The following ATP2B4 variants were observed in gnomAD, a reference collection of about 807,000 sequenced individuals.
The protein encoded by ATP2B4 is plasma membrane calcium-transporting ATPase 4.
In ATP2B4, 39 loss-of-function variants were observed where a neutral mutation model predicts 110.3. The ratio of observed to expected loss-of-function variants is 0.35; its 90% confidence interval spans 0.27 to 0.46. The LOEUF is 0.46. Ranked by LOEUF, ATP2B4 falls within the 20% of genes least tolerant of loss-of-function variation. The pLI is 1.00. For missense variants in ATP2B4, 1,135 were observed against 1,530.9 expected (o/e 0.74, Z 4.32); for synonymous variants, 538 against 571.7 (o/e 0.94, Z 0.84).
In ATP2B4 at chr1:203,648,012, A is replaced by C. The variant is rs145652479; in HGVS notation, c.-465+20793A>C. On this transcript the variant is annotated intron_variant, in intron 1 of 20. Transcript: ENST00000357681. ...CCAACTTGTGTTTGAAGTGGGAGTCAAAATGTAAAGTGGCTTTTACACAGG... is the reference window on the plus strand; with the variant it reads ...CCAACTTGTGTTTGAAGTGGGAGTCCAAATGTAAAGTGGCTTTTACACAGG... Among the ~76,000 whole-genome samples, 15 of 152,314 alleles carry C rather than the reference A, an allele frequency of 9.8e-5. No individual in the cohort carries two copies. In the East Asian group the frequency reaches 1.9e-3, roughly 20 times the overall value.
chr1:203,713,825 C>T (rs1456979187), intron 14 of ATP2B4, among the ~76,000 whole-genome samples: 1 of 152,122 alleles, frequency 6.6e-6, no homozygotes, highest in East Asian at 1.9e-4. Flanking sequence ...GTGAACTAGG[C>T]AGGGCAGGTA....
intron 1 of ATP2B4, among the ~76,000 whole-genome samples, chr1:203,654,891 A>G (rs1664110064): frequency 1.7e-5 from 1 of 58,996 alleles, no homozygotes; most frequent in Non-Finnish European, 3.3e-5. Flanking sequence ...CGTCTGGAAA[A>G]AAAAAAAAAA....
intron 1 of ATP2B4, among the ~76,000 whole-genome samples, chr1:203,678,315 G>C (rs148662374): frequency 1.5e-4 from 23 of 151,826 alleles, no homozygotes; most frequent in Admixed American, 3.3e-4. Context: ...GACAAAATTG[G>C]AGGAAAGTGT....
In ATP2B4 at chr1:203,710,958, C is replaced by A; in HGVS notation, c.1881C>A (p.Ile627=). 1 of 1,614,052 alleles carries A rather than the reference C, an allele frequency of 6.2e-7. No homozygotes were observed. ...KDRDDMVRTV[I]EPMACDGLRT... is the part of the protein sequence containing the mutation. ...GAGATGATATGGTACGCACTGTCAT[C>A]GAGCCCATGGCCTGTGATGGACTCC... is the stretch of plus-strand genomic sequence containing the variant. Residue 627 remains isoleucine (I), a synonymous_variant, in exon 12 of 21, where the codon ATC becomes ATA. Coordinates refer to ENST00000357681, the MANE Select transcript of ATP2B4 (RefSeq NM_001684.5).
intron 7 of ATP2B4, among the ~76,000 whole-genome samples, chr1:203,702,456 G>A (rs1327059094): frequency 6.6e-6 from 1 of 152,168 alleles, no homozygotes. Flanking sequence ...GTGGAGGGAG[G>A]TGGGGTGGGT....
chr1:203,733,615 C>T, intron 20 of ATP2B4: 1 of 482,060 alleles, frequency 2.1e-6, no homozygotes, highest in Non-Finnish European at 3.6e-6. Flanking sequence ...TAAACCTTAA[C>T]TGTTTTAAAG....
At chr1:203,721,673 TC>T (rs60634547) in intron 17 of ATP2B4, among the ~76,000 whole-genome samples, 11,692 of 129,826 alleles carry the variant, frequency 0.09, 964 homozygotes, top group East Asian at 0.38. Context: ...TTTTTTTTTT[TC>T]TTTTTGGAGA....
intron 5 of ATP2B4, 135 bp downstream of exon 5, chr1:203,700,466 T>G: frequency 8.0e-7 from 1 of 1,249,892 alleles, no homozygotes; most frequent in Non-Finnish European, 1.1e-6. Flanking sequence ...AGCATTTTGG[T>G]GGGTGGAATA....
chr1:203,702,537 GTCT>G (rs1665726183), intron 7 of ATP2B4, among the ~76,000 whole-genome samples: 1 of 152,098 alleles, frequency 6.6e-6, no homozygotes, highest in Non-Finnish European at 1.5e-5. Context: ...TTCTCTGCTG[GTCT>G]TCTCAGGGGT....
At chr1:203,651,368 A>G (rs184737918) in intron 1 of ATP2B4, among the ~76,000 whole-genome samples, 46 of 152,130 alleles carry the variant, frequency 3.0e-4, no homozygotes, top group Admixed American at 2.2e-3. Context: ...GCTTATTTAT[A>G]TATGCTATTA....
intron 2 of ATP2B4, among the ~76,000 whole-genome samples, chr1:203,697,509 A>AT (rs1419871968): frequency 6.6e-6 from 1 of 152,194 alleles, no homozygotes; most frequent in Non-Finnish European, 1.5e-5. Flanking sequence ...AGCAGATAAG[A>AT]TTTTATGTCT....
At chr1:203,674,026 A>C (rs1412052626) in intron 1 of ATP2B4, among the ~76,000 whole-genome samples, 2 of 152,156 alleles carry the variant, frequency 1.3e-5, no homozygotes, top group Non-Finnish European at 2.9e-5. Context: ...AGCCCCAAGA[A>C]AGACAGTCTG....
intron 2 of ATP2B4, among the ~76,000 whole-genome samples, chr1:203,686,616 T>C (rs548585623): frequency 1.3e-3 from 59 of 43,852 alleles, no homozygotes; most frequent in African/African-American, 2.7e-3. Flanking sequence ...ACTGGCACAA[T>C]TTTCTACTGC....
intron 12 of ATP2B4, among the ~76,000 whole-genome samples, 161 bp downstream of exon 12, chr1:203,711,269 G>C (rs1322530363): frequency 6.6e-6 from 1 of 152,152 alleles, no homozygotes; most frequent in Non-Finnish European, 1.5e-5. Context: ...CAGTATGATC[G>C]AATGTGGCAT....
intron 13 of ATP2B4, among the ~76,000 whole-genome samples, chr1:203,712,594 AAAG>A (rs1391077520): frequency 6.6e-6 from 1 of 151,428 alleles, no homozygotes; most frequent in African/African-American, 2.4e-5. Flanking sequence ...CCGTCTCAAA[AAAG>A]AAAAAAAAAA....
In ATP2B4 at chr1:203,740,714, G is replaced by C. The variant is rs117100270; in HGVS notation, c.*860G>C. The C allele has an allele frequency of 6.6e-5, 10 of 152,340 alleles. No individual in the cohort carries two copies. The East Asian group carries it at 1.5e-3, about 24-fold the overall frequency. The allele number at this position is 152,340 out of a possible 1,614,324, so 9.4% of individuals were successfully genotyped here. A position where few individuals can be genotyped will look rare whatever the true frequency, so the allele number is the denominator to read the frequency against. On this transcript the variant is annotated 3_prime_UTR_variant, in exon 21 of 21. Coordinates refer to ENST00000357681, the MANE Select transcript of ATP2B4 (RefSeq NM_001684.5). Reference sequence around the variant, plus strand: ...AGGGAGATCAGCCTTGCCCATGAAGGTTGCATATGTGTGGTATACAGTTTT... The same window carrying C: ...AGGGAGATCAGCCTTGCCCATGAAGCTTGCATATGTGTGGTATACAGTTTT...
chr1:203,725,446 G>A (rs974865738), intron 19 of ATP2B4, among the ~76,000 whole-genome samples: 1 of 152,186 alleles, frequency 6.6e-6, no homozygotes, highest in Non-Finnish European at 1.5e-5. Flanking sequence ...ACCGTGCCCA[G>A]CCTCAGCTCT....
rs1316345542 is a variant in ATP2B4, at chr1:203,743,142, A to G, written c.*3288A>G. ...TTGAGCTTCAGAGAGGAGAGTTGGC[A>G]TGGTTAAATCTGAATGGTTACCTCA... On this transcript the variant is annotated 3_prime_UTR_variant, in exon 21 of 21. Transcript: ENST00000357681. The G allele has an allele frequency of 6.6e-6, 1 of 152,660 alleles. No homozygotes were observed. The highest frequency in any genetic ancestry group is 1.5e-5 in the Non-Finnish European group (1 of 68,064). The allele number at this position is 152,660 out of a possible 1,614,324, so 9.5% of individuals were successfully genotyped here.
intron 15 of ATP2B4, 76 bp from the exon 16 acceptor site, chr1:203,720,473 A>G (rs1666288333): frequency 1.4e-6 from 2 of 1,423,284 alleles, no homozygotes; most frequent in Non-Finnish European, 1.9e-6. Context: ...CTGACTTCGG[A>G]AGCTTCCTGG....
Sources: gnomAD v4.1 joint callset for allele counts (sites outside exome capture counted in the v4.1 genomes callset) on GRCh38, gnomAD v4.1.1 for gene constraint, MANE v1.5 for transcripts, NCBI Gene and HGNC (gene_info 2026-07-23, HGNC 2026-07-21) for gene names.